The following CDH9 variants were observed in gnomAD, a reference collection of about 807,000 sequenced individuals.
The protein encoded by CDH9 is cadherin 9.
In CDH9, 28 loss-of-function variants were observed where a neutral mutation model predicts 70.9. The ratio of observed to expected loss-of-function variants is 0.40; its 90% CI spans 0.29 to 0.54. The LOEUF (loss-of-function observed/expected upper bound fraction) is 0.54. Ranked by LOEUF, CDH9 falls within the 20% of genes least tolerant of loss-of-function variation. The pLI is 0.59. For missense variants in CDH9, 874 were observed against 984.4 expected (o/e 0.89, Z 1.50); for synonymous variants, 409 against 343.1 (o/e 1.19, Z -2.12).
chr5:26,906,269 T>G, intron 4 of CDH9, 143 bp from the exon 5 acceptor site: 1 of 652,010 alleles, frequency 1.5e-6, no homozygotes, highest in Non-Finnish European at 2.6e-6. Flanking sequence ...CCATAACCAC[T>G]TTAAGATAAT....
chr5:26,953,825 C>T (rs904108095), intron 2 of CDH9, among the ~76,000 whole-genome samples: 1 of 152,146 alleles, frequency 6.6e-6, no homozygotes, highest in African/African-American at 2.4e-5. Context: ...AAGCCTCTCT[C>T]TCCTTTAGAA....
At chr5:26,960,020 A>G (rs1385994511) in intron 2 of CDH9, among the ~76,000 whole-genome samples, 1 of 152,038 alleles carries the variant, frequency 6.6e-6, no homozygotes, top group Admixed American at 6.6e-5. Context: ...TTTTATGTTA[A>G]TAACACCTCA....
intron 2 of CDH9, among the ~76,000 whole-genome samples, chr5:26,922,026 CAA>C (rs3071199): frequency 0.26 from 32,891 of 125,310 alleles, 4,301 homozygotes; most frequent in East Asian, 0.59. Flanking sequence ...CAAAATAGTC[CAA>C]AAAAAAAAAA....
chr5:26,892,898 T>A lies in CDH9; in HGVS notation c.1254-2334A>T, dbSNP rs1740685333. ...GGCGCCCACCACCATGTCCGGCTAA[T>A]TTTTTTTTGTATTTTTAGTAGAGAC... On this transcript the variant is annotated intron_variant, in intron 7 of 11. Coordinates refer to ENST00000231021, the MANE Select transcript of CDH9 (RefSeq NM_016279.4). Among the ~76,000 whole-genome samples, 5 of 151,164 alleles carry A rather than the reference T, an allele frequency of 3.3e-5. No homozygotes were observed. In the South Asian group the frequency reaches 1.1e-3, roughly 32 times the overall value.
chr5:27,019,214 A>G (rs1397259982), intron 1 of CDH9, among the ~76,000 whole-genome samples: 1 of 152,032 alleles, frequency 6.6e-6, no homozygotes, highest in Non-Finnish European at 1.5e-5. Context: ...CTATGGAAGA[A>G]TGGAAAACCT....
intron 7 of CDH9, among the ~76,000 whole-genome samples, chr5:26,891,444 G>A (rs1030095305): frequency 8.5e-5 from 13 of 152,224 alleles, no homozygotes; most frequent in African/African-American, 2.4e-4. Context: ...TTTGGAGGCC[G>A]AGGTGAGTGG....
intron 6 of CDH9, chr5:26,903,431 T>C (rs1241687765): frequency 1.5e-6 from 1 of 667,128 alleles, no homozygotes; most frequent in African/African-American, 1.8e-5. Context: ...TTTCTAGTTT[T>C]AGCATGAACA....
intron 2 of CDH9, among the ~76,000 whole-genome samples, chr5:26,982,554 C>T (rs561401681): frequency 2.6e-5 from 4 of 151,970 alleles, no homozygotes; most frequent in Non-Finnish European, 4.4e-5. Flanking sequence ...TTTGAGTAAA[C>T]CTATATTGTC....
chr5:26,921,353 A>G (rs185596501), intron 2 of CDH9, among the ~76,000 whole-genome samples: 48 of 152,274 alleles, frequency 3.2e-4, no homozygotes, highest in African/African-American at 1.1e-3. Flanking sequence ...AAGGCACGAT[A>G]AGTATAGATT....
intron 4 of CDH9, 59 bp from the exon 5 acceptor site, chr5:26,906,185 TAGACA>T (rs1224013441): frequency 3.5e-6 from 5 of 1,412,520 alleles, no homozygotes; most frequent in Non-Finnish European, 4.9e-6. Flanking sequence ...AAAATTAAGC[TAGACA>T]AGACTCATTT....
At chr5:26,920,576 C>T (rs914840822) in intron 2 of CDH9, among the ~76,000 whole-genome samples, 6 of 152,074 alleles carry the variant, frequency 3.9e-5, no homozygotes, top group Non-Finnish European at 8.8e-5. Context: ...CAGTGCAGTC[C>T]CAGTGGCGGG....
chr5:26,938,790 G>A lies in CDH9; in HGVS notation c.229-22866C>T, dbSNP rs1000356609. ...AGCAATTAAAAAATAAAACACTGAT[G>A]TATTCAGCAACTTGTATGTTCTGAA... On this transcript the variant is annotated intron_variant, in intron 2 of 11. Transcript: ENST00000231021. 2.9e-4 allele frequency among the ~76,000 whole-genome samples: 44 copies of A among 152,126 alleles called. 1 individual carries two copies. Among genetic ancestry groups the A allele is most frequent in the African/African-American group, 1.0e-3 (43 of 41,538 alleles).
chr5:26,901,673 T>C (rs1410498493), intron 7 of CDH9, among the ~76,000 whole-genome samples: 1 of 151,860 alleles, frequency 6.6e-6, no homozygotes, highest in Non-Finnish European at 1.5e-5. Flanking sequence ...CAGCTGTCTA[T>C]ATGTTCCTCC....
chr5:27,020,992 T>C (rs926447354), intron 1 of CDH9, among the ~76,000 whole-genome samples: 3 of 151,836 alleles, frequency 2.0e-5, no homozygotes, highest in African/African-American at 7.2e-5. Flanking sequence ...ATAAATCAAC[T>C]AGTAAAACTA....
chr5:26,950,345 T>C (rs1741823782), intron 2 of CDH9, among the ~76,000 whole-genome samples: 1 of 152,186 alleles, frequency 6.6e-6, no homozygotes, highest in Non-Finnish European at 1.5e-5. Flanking sequence ...CATTTATCCC[T>C]CTGACAAAGG....
At chr5:26,933,548 G>T (rs1442698776) in intron 2 of CDH9, among the ~76,000 whole-genome samples, 4 of 151,706 alleles carry the variant, frequency 2.6e-5, no homozygotes, top group African/African-American at 9.7e-5. Flanking sequence ...AGGCCGAGGC[G>T]GGTGGATCAC....
intron 2 of CDH9, among the ~76,000 whole-genome samples, chr5:26,946,618 T>A (rs933765620): frequency 1.3e-5 from 2 of 152,128 alleles, no homozygotes; most frequent in African/African-American, 4.8e-5. Context: ...TTAAGGGAAT[T>A]AAACAGTGAA....
chr5:26,975,022 A>G (rs1415651386), intron 2 of CDH9, among the ~76,000 whole-genome samples: 1 of 152,126 alleles, frequency 6.6e-6, no homozygotes, highest in Non-Finnish European at 1.5e-5. Context: ...TTATATACAT[A>G]TAATAGAATA....
intron 6 of CDH9, 132 bp downstream of exon 6, chr5:26,903,505 C>A (rs1481903018): frequency 2.6e-5 from 20 of 757,430 alleles, no homozygotes; most frequent in Non-Finnish European, 4.6e-5. Flanking sequence ...CACAACTATT[C>A]TCATTTATCT....
Sources: allele counts gnomAD v4.1 joint callset (sites outside exome capture counted in the v4.1 genomes callset), GRCh38; gene constraint gnomAD v4.1.1; transcripts MANE v1.5; gene names NCBI Gene and HGNC (gene_info 2026-07-23, HGNC 2026-07-21).